PHTF1: variants seen among roughly 807,000 people sequenced by gnomAD.
PHTF1 encodes putative homeodomain transcription factor 1.
Under a neutral mutation model 102.4 loss-of-function variants are expected in PHTF1, and 88 were observed. The observed-to-expected ratio is 0.86, with a 90% CI of 0.72 to 1.03. The LOEUF is 1.03. Ranked by LOEUF, PHTF1 falls within the 50% of genes least tolerant of loss-of-function variation. The pLI, the probability that PHTF1 is intolerant of heterozygous loss-of-function variation, is 0.00. For missense variants in PHTF1, 814 were observed against 909.5 expected (o/e 0.89, Z 1.35); for synonymous variants, 289 against 305.2 (o/e 0.95, Z 0.55).
In PHTF1 at chr1:113,725,503, A is replaced by G. The variant is rs535710847; in HGVS notation, c.489-610T>C. On this transcript the variant is annotated intron_variant, in intron 6 of 18. Transcript: ENST00000369604. The stretch of plus-strand genomic sequence containing the variant: ...ATTCTTATTTAGTAATTGCTTACGC[A>G]GGCAAAAATCTACAGATATTCTGAG... 4.6e-5 allele frequency: 7 copies of G among 152,344 alleles called. No homozygotes were observed. In the East Asian group the frequency reaches 1.3e-3, roughly 29 times the overall value. The allele number at this position is 152,344 out of a possible 1,614,324, so 9.4% of individuals were successfully genotyped here. A position where few individuals can be genotyped will look rare whatever the true frequency, so the allele number is the denominator to read the frequency against.
intron 7 of PHTF1, among the ~76,000 whole-genome samples, chr1:113,720,538 T>C (rs1652757798): frequency 6.6e-6 from 1 of 152,232 alleles, no homozygotes; most frequent in Non-Finnish European, 1.5e-5. Context: ...TACCATATTA[T>C]AGCCAAAAAA....
Position 113,705,947 on chromosome 1 carries a change from C to T in PHTF1, c.1614G>A (p.Leu538=), listed in dbSNP as rs748948155. Reference sequence around the variant, plus strand: ...TGAAAAAAAACATCCAAGTAAGACACAATCTTTCAAAAAAATTAATTATCG... The same window carrying T: ...TGAAAAAAAACATCCAAGTAAGACATAATCTTTCAAAAAAATTAATTATCG... ...VLSIINFFER[L]CLTWMFFFMM... is the part of the protein sequence containing the mutation. Residue 538 remains leucine, a synonymous_variant, in exon 13 of 19, where the codon TTG becomes TTA. Transcript: ENST00000369604. The T allele has an allele frequency of 5.6e-6, 9 of 1,613,968 alleles. No homozygotes were observed. Among genetic ancestry groups the T allele is most frequent in the South Asian group, 5.5e-5 (5 of 91,076 alleles).
intron 3 of PHTF1, among the ~76,000 whole-genome samples, chr1:113,740,930 C>T (rs1656253833): frequency 6.6e-6 from 1 of 152,108 alleles, no homozygotes; most frequent in African/African-American, 2.4e-5. Context: ...ACTCAGGAGG[C>T]TGAGGCAGGA....
chr1:113,705,832 C>T, intron 13 of PHTF1, 58 bp downstream of exon 13: 1 of 1,351,472 alleles, frequency 7.4e-7, no homozygotes, highest in Non-Finnish European at 1.0e-6. Context: ...ACAAAAGCAA[C>T]TCAATGGAAT....
intron 3 of PHTF1, among the ~76,000 whole-genome samples, chr1:113,751,616 C>T (rs1447357350): frequency 6.6e-6 from 1 of 152,104 alleles, no homozygotes; most frequent in East Asian, 1.9e-4. Context: ...TTGATGGACA[C>T]GTGGGTTTTT....
chr1:113,736,515 C>A (rs552634663), intron 5 of PHTF1, among the ~76,000 whole-genome samples: 6 of 151,676 alleles, frequency 4.0e-5, no homozygotes, highest in Non-Finnish European at 8.8e-5. Flanking sequence ...GAGGCTGAGG[C>A]GGGTGGATCA....
chr1:113,757,695 T>C lies in PHTF1; in HGVS notation c.102+4A>G, dbSNP rs774585606. On this transcript the variant is annotated splice_donor_region_variant and intron_variant, in intron 3 of 18. Transcript: ENST00000369604. ...CATAGGCGGAATCAAAGAAATCAAT[T>C]TACCTTAATCTGAGTCTGTTCGATT... The C allele has an allele frequency of 6.3e-6, 10 of 1,592,792 alleles. No homozygotes were observed. Among genetic ancestry groups the C allele is most frequent in the Non-Finnish European group, 8.6e-6 (10 of 1,160,638 alleles).
chr1:113,757,719 T>G lies in PHTF1; in HGVS notation c.82A>C (p.Ile28Leu). ...TTTACCTTAATCTGAGTCTGTTCGATTGACTTTTCCCATATCTGCTGATCG... is the reference window on the plus strand; with the variant it reads ...TTTACCTTAATCTGAGTCTGTTCGAGTGACTTTTCCCATATCTGCTGATCG... ...AYDQQIWEKSIEQTQIKGLKN... is the reference protein window; with the variant it reads ...AYDQQIWEKSLEQTQIKGLKN... Residue 28 changes from isoleucine (I) to leucine (L), a missense_variant, in exon 3 of 19, where the codon ATC (isoleucine) becomes CTC (leucine). Physicochemically the swap from Ile to Leu is conservative, Grantham distance 5. Coordinates refer to ENST00000369604, the MANE Select transcript of PHTF1 (RefSeq NM_001323043.2). The G allele has an allele frequency of 6.2e-7, 1 of 1,608,826 alleles. No individual in the cohort carries two copies. The highest frequency in any genetic ancestry group is 8.5e-7 in the Non-Finnish European group (1 of 1,175,158).
Position 113,726,679 on chromosome 1 carries a change from T to C in PHTF1, c.332-105A>G, listed in dbSNP as rs955164050. The C allele has an allele frequency of 6.7e-6, 5 of 749,352 alleles. 1 individual carries two copies. In the African/African-American group the frequency reaches 9.1e-5, roughly 14 times the overall value. The allele number at this position is 749,352 out of a possible 1,614,324, so 46.4% of individuals were successfully genotyped here. On this transcript the variant is annotated intron_variant, in intron 5 of 18. Coordinates refer to ENST00000369604, the MANE Select transcript of PHTF1 (RefSeq NM_001323043.2). ...TATAAAAATCCATCATTTAAAAAAG[T>C]ACACAAATAAATAGTTTCCTACAAT...
At chr1:113,747,952 C>T (rs1486783513) in intron 3 of PHTF1, among the ~76,000 whole-genome samples, 1 of 152,164 alleles carries the variant, frequency 6.6e-6, no homozygotes, top group Admixed American at 6.5e-5. Context: ...TAATGTTTCT[C>T]AGTGCTGATG....
intron 11 of PHTF1, 129 bp from the exon 12 acceptor site, chr1:113,706,851 CTTTTTTTTTT>C (rs11363653): frequency 4.2e-4 from 91 of 217,626 alleles, no homozygotes; most frequent in African/African-American, 3.5e-3. Context: ...TTCTTTCTTT[CTTTTTTTTTT>C]TTTTTTTTTT....
At chr1:113,731,364 C>A (rs1330351721) in intron 5 of PHTF1, among the ~76,000 whole-genome samples, 2 of 151,486 alleles carry the variant, frequency 1.3e-5, no homozygotes, top group Non-Finnish European at 2.9e-5. Context: ...GAGAGCCCAT[C>A]TCTAAAAAAT....
At chr1:113,756,331 G>A (rs1403506296) in intron 3 of PHTF1, among the ~76,000 whole-genome samples, 4 of 152,152 alleles carry the variant, frequency 2.6e-5, no homozygotes, top group African/African-American at 9.7e-5. Flanking sequence ...ACCAAATTGT[G>A]AAAAGTTAGT....
chr1:113,735,063 T>C (rs1052405977), intron 5 of PHTF1, among the ~76,000 whole-genome samples: 1 of 152,050 alleles, frequency 6.6e-6, no homozygotes, highest in African/African-American at 2.4e-5. Flanking sequence ...TCTTACATAA[T>C]GGACTATTAA....
chr1:113,748,993 A>C (rs962898499), intron 3 of PHTF1, among the ~76,000 whole-genome samples: 1 of 152,220 alleles, frequency 6.6e-6, no homozygotes, highest in Non-Finnish European at 1.5e-5. Context: ...AGAATGACTA[A>C]ATTAATATAT....
chr1:113,699,536 C>G, intron 17 of PHTF1, 168 bp downstream of exon 17: 1 of 662,882 alleles, frequency 1.5e-6, no homozygotes, highest in African/African-American at 1.8e-5. Flanking sequence ...GTGACCTCAG[C>G]TCTGGTCCTA....
chr1:113,700,976 A>G (rs1649379204), intron 15 of PHTF1, 27 bp from the exon 16 acceptor site: 1 of 1,538,152 alleles, frequency 6.5e-7, no homozygotes, highest in Non-Finnish European at 8.8e-7. Flanking sequence ...AAAAAAGTTA[A>G]GTTTTTCATT....
chr1:113,699,938 A>G, intron 16 of PHTF1, 139 bp from the exon 17 acceptor site: 1 of 677,550 alleles, frequency 1.5e-6, no homozygotes, highest in South Asian at 2.1e-5. Context: ...CAGAGAACAT[A>G]TGTCATGTGC....
At chr1:113,721,598 T>C (rs1652948806) in intron 7 of PHTF1, among the ~76,000 whole-genome samples, 1 of 152,230 alleles carries the variant, frequency 6.6e-6, no homozygotes, top group Non-Finnish European at 1.5e-5. Context: ...AGATCTTATA[T>C]TTGGAAAAAC....
Sources: allele counts gnomAD v4.1 joint callset (sites outside exome capture counted in the v4.1 genomes callset), GRCh38; gene constraint gnomAD v4.1.1; transcripts MANE v1.5; gene names NCBI Gene and HGNC (gene_info 2026-07-23, HGNC 2026-07-21).